Variants in CNTNAP2 observed in about 807,000 individuals in gnomAD.
CNTNAP2 encodes the protein contactin-associated protein-like 2.
In CNTNAP2, 98 loss-of-function variants were observed where a neutral mutation model predicts 155.2. That is an observed-to-expected ratio of 0.63 (90% CI 0.54 to 0.75). The LOEUF is 0.75. CNTNAP2 is among the 30% of genes least tolerant of loss of function. CNTNAP2 has a pLI of 0.00. For synonymous variants in CNTNAP2, 651 were observed against 631.2 expected (o/e 1.03, Z -0.47); for missense variants, 1,727 against 1,688.1 (o/e 1.02, Z -0.40).
intron 20 of CNTNAP2, among the ~76,000 whole-genome samples, chr7:148,265,850 A>T (rs1355470785): frequency 6.6e-6 from 1 of 152,222 alleles, no homozygotes; most frequent in Non-Finnish European, 1.5e-5. Flanking sequence ...AGTCATTAAT[A>T]ATGAATGACT....
At chr7:148,294,279 CTTTA>C (rs146200170) in intron 21 of CNTNAP2, among the ~76,000 whole-genome samples, 1 of 152,174 alleles carries the variant, frequency 6.6e-6, no homozygotes, top group Non-Finnish European at 1.5e-5. Context: ...TTGTATTGTC[CTTTA>C]TTCATTCATT....
chr7:146,413,314 A>G (rs1467771551), intron 1 of CNTNAP2, among the ~76,000 whole-genome samples: 1 of 152,168 alleles, frequency 6.6e-6, no homozygotes, highest in Non-Finnish European at 1.5e-5. Flanking sequence ...TCACGGCTTC[A>G]GGTTGGACCT....
At chr7:147,788,592 C>T (rs1797772044) in intron 13 of CNTNAP2, among the ~76,000 whole-genome samples, 1 of 152,190 alleles carries the variant, frequency 6.6e-6, no homozygotes, top group Admixed American at 6.5e-5. Context: ...CTAGGCCTTA[C>T]ATACCTTCTA....
At chr7:146,523,345 A>G (rs183744247) in intron 1 of CNTNAP2, among the ~76,000 whole-genome samples, 87 of 152,240 alleles carry the variant, frequency 5.7e-4, no homozygotes, top group Non-Finnish European at 1.1e-3. Context: ...AAATTTTAAG[A>G]ATCTTCCTTT....
At chr7:147,371,917 G>C (rs1525223) in intron 9 of CNTNAP2, among the ~76,000 whole-genome samples, 1 of 152,056 alleles carries the variant, frequency 6.6e-6, no homozygotes, top group Non-Finnish European at 1.5e-5. Flanking sequence ...ATGTTGTAAT[G>C]TTCAGAAATG....
intron 2 of CNTNAP2, 63 bp downstream of exon 2, chr7:146,774,444 GC>G (rs1423431510): frequency 1.4e-5 from 15 of 1,073,310 alleles, no homozygotes; most frequent in Non-Finnish European, 1.9e-5. Context: ...TATATTTATA[GC>G]CATATATATA....
intron 9 of CNTNAP2, among the ~76,000 whole-genome samples, chr7:147,331,253 T>A (rs191809648): frequency 2.6e-5 from 4 of 152,156 alleles, no homozygotes; most frequent in Admixed American, 2.6e-4. Context: ...GCCTGAAGAA[T>A]TCAGGTTGAA....
intron 3 of CNTNAP2, among the ~76,000 whole-genome samples, chr7:146,882,814 T>G (rs1475341509): frequency 1.3e-5 from 2 of 152,082 alleles, no homozygotes; most frequent in Non-Finnish European, 2.9e-5. Flanking sequence ...ATGCGATACC[T>G]TTTACAATAG....
At chr7:147,481,447 A>C (rs1031322006) in intron 10 of CNTNAP2, among the ~76,000 whole-genome samples, 13 of 152,210 alleles carry the variant, frequency 8.5e-5, no homozygotes, top group South Asian at 4.1e-4. Context: ...GTAAAATAAA[A>C]GTGCAACTGT....
In CNTNAP2 at chr7:147,336,688, C is replaced by T. The variant is rs6942589; in HGVS notation, c.1498+36398C>T. Among the ~76,000 whole-genome samples, 1,322 of 152,148 alleles carry T rather than the reference C, an allele frequency of 8.7e-3. 21 individuals carry two copies. Among genetic ancestry groups the T allele is most frequent in the African/African-American group, 0.031 (1,268 of 41,514 alleles). On this transcript the variant is annotated intron_variant, in intron 9 of 23. Transcript: ENST00000361727. Reference sequence around the variant, plus strand: ...TAGTGGCAGAGATATGATTAGAGTCCAGGACATTAAATATCTAGTTCAGTC... The same window carrying T: ...TAGTGGCAGAGATATGATTAGAGTCTAGGACATTAAATATCTAGTTCAGTC...
At chr7:147,073,391 G>A (rs6966555) in intron 4 of CNTNAP2, among the ~76,000 whole-genome samples, 3 of 151,496 alleles carry the variant, frequency 2.0e-5, no homozygotes, top group African/African-American at 7.3e-5. Flanking sequence ...CATGGTAAAT[G>A]TTGAATCCGA....
intron 1 of CNTNAP2, among the ~76,000 whole-genome samples, chr7:146,724,893 G>C (rs1801404399): frequency 6.6e-6 from 1 of 152,174 alleles, no homozygotes; most frequent in African/African-American, 2.4e-5. Context: ...TATGTGTCCA[G>C]TGTATTAGTT....
intron 3 of CNTNAP2, among the ~76,000 whole-genome samples, chr7:146,969,367 G>A (rs1260779936): frequency 1.3e-5 from 2 of 152,056 alleles, no homozygotes; most frequent in Non-Finnish European, 1.5e-5. Context: ...GGGTATCCTT[G>A]TTAACTTTCT....
intron 20 of CNTNAP2, among the ~76,000 whole-genome samples, chr7:148,238,870 T>G (rs1796093619): frequency 6.6e-6 from 1 of 152,232 alleles, no homozygotes; most frequent in Admixed American, 6.5e-5. Flanking sequence ...CCTTGAACTT[T>G]CTGCCAATAA....
At chr7:147,083,952 A>ATACATATACACATGTATGTATATAT (rs1800208590) in intron 4 of CNTNAP2, among the ~76,000 whole-genome samples, 2 of 94,854 alleles carry the variant, frequency 2.1e-5, no homozygotes, top group Admixed American at 1.2e-4. Context: ...ATATAGCATT[A>ATACATATACACATGTATGTATATAT]TATATAGCAT....
intron 1 of CNTNAP2, among the ~76,000 whole-genome samples, chr7:146,280,869 C>A (rs1563019884): frequency 1.3e-5 from 2 of 152,112 alleles, no homozygotes; most frequent in African/African-American, 2.4e-5. Context: ...AGTGACCAGC[C>A]ACAGGGACTG....
At chr7:147,518,009 G>A (rs1336533724) in intron 11 of CNTNAP2, among the ~76,000 whole-genome samples, 2 of 152,098 alleles carry the variant, frequency 1.3e-5, no homozygotes, top group East Asian at 3.9e-4. Flanking sequence ...ATGGCTCACT[G>A]CAACCTCTGC....
At chr7:147,580,791 T>C (rs1800485775) in intron 12 of CNTNAP2, among the ~76,000 whole-genome samples, 1 of 152,106 alleles carries the variant, frequency 6.6e-6, no homozygotes, top group Non-Finnish European at 1.5e-5. Flanking sequence ...AATTTTTGTA[T>C]TTTTAGCAGA....
intron 20 of CNTNAP2, among the ~76,000 whole-genome samples, chr7:148,237,297 T>C (rs1341802722): frequency 1.3e-5 from 2 of 152,146 alleles, no homozygotes; most frequent in African/African-American, 4.8e-5. Flanking sequence ...AATATATAAA[T>C]AGGCTGATAA....
Sources: gnomAD v4.1 joint callset for allele counts (sites outside exome capture counted in the v4.1 genomes callset) on GRCh38, gnomAD v4.1.1 for gene constraint, MANE v1.5 for transcripts, NCBI Gene and HGNC (gene_info 2026-07-23, HGNC 2026-07-21) for gene names.